Variants in RIT2 observed in about 807,000 individuals in gnomAD.
RIT2 encodes the protein GTP-binding protein Rit2.
In RIT2, 24 loss-of-function variants were observed where a neutral mutation model predicts 23.7. The observed-to-expected ratio is 1.01, with a 90% CI of 0.73 to 1.43. RIT2 has a LOEUF of 1.43. Ranked by LOEUF, RIT2 falls within the 40% of genes most tolerant of loss-of-function variation. RIT2 has a pLI of 0.00. For synonymous variants in RIT2, 107 were observed against 91.1 expected (o/e 1.17, Z -0.99); for missense variants, 236 against 266.9 (o/e 0.88, Z 0.81).
intron 2 of RIT2, among the ~76,000 whole-genome samples, chr18:42,977,084 A>C (rs778606377): frequency 2.6e-5 from 4 of 152,044 alleles, no homozygotes; most frequent in Admixed American, 6.6e-5. Flanking sequence ...AGAAACGTTG[A>C]CTTTGCCATG....
At chr18:43,020,732 A>C (rs1911576535) in intron 2 of RIT2, among the ~76,000 whole-genome samples, 1 of 152,102 alleles carries the variant, frequency 6.6e-6, no homozygotes, top group Non-Finnish European at 1.5e-5. Context: ...ATTGATTTTC[A>C]ACAAAGTTGC....
intron 2 of RIT2, among the ~76,000 whole-genome samples, chr18:43,024,214 A>G (rs1435448598): frequency 1.3e-5 from 2 of 152,076 alleles, no homozygotes; most frequent in East Asian, 3.9e-4. Flanking sequence ...ATAGACACAT[A>G]GATCAATGAC....
chr18:42,844,229 T>C (rs936550137), intron 4 of RIT2, among the ~76,000 whole-genome samples: 2 of 152,164 alleles, frequency 1.3e-5, no homozygotes, highest in East Asian at 3.9e-4. Flanking sequence ...AATGCTCTCT[T>C]AGCTCCACCA....
At chr18:43,083,718 T>C (rs957197896) in intron 1 of RIT2, among the ~76,000 whole-genome samples, 2 of 152,162 alleles carry the variant, frequency 1.3e-5, no homozygotes, top group Admixed American at 6.5e-5. Context: ...CTTTGCACCT[T>C]ATACAAAAAT....
At chr18:42,895,135 T>C (rs1908288969) in intron 4 of RIT2, among the ~76,000 whole-genome samples, 1 of 152,230 alleles carries the variant, frequency 6.6e-6, no homozygotes, top group Non-Finnish European at 1.5e-5. Flanking sequence ...AGATATAAGA[T>C]ATGAATTGGA....
intron 1 of RIT2, among the ~76,000 whole-genome samples, chr18:43,046,832 A>G (rs1290196976): frequency 6.6e-6 from 1 of 152,196 alleles, no homozygotes; most frequent in African/African-American, 2.4e-5. Flanking sequence ...CTTTTAAGCT[A>G]TGCATCCATG....
intron 2 of RIT2, among the ~76,000 whole-genome samples, chr18:42,982,858 T>C (rs1322844688): frequency 6.6e-6 from 1 of 152,112 alleles, no homozygotes; most frequent in Admixed American, 6.6e-5. Context: ...ATAAATATTA[T>C]TTTTATAGAT....
At chr18:42,837,150 TTTC>T (rs1200121842) in intron 4 of RIT2, among the ~76,000 whole-genome samples, 1 of 122,064 alleles carries the variant, frequency 8.2e-6, no homozygotes, top group African/African-American at 3.3e-5. Flanking sequence ...TTTTTTTCTT[TTTC>T]TTTTTTTTTT....
intron 1 of RIT2, among the ~76,000 whole-genome samples, chr18:43,064,961 C>T (rs901428750): frequency 5.9e-5 from 9 of 152,010 alleles, no homozygotes; most frequent in South Asian, 2.1e-4. Flanking sequence ...GGATTACAGG[C>T]GTGCACCACC....
At chr18:42,880,203 C>T (rs1214131519) in intron 4 of RIT2, among the ~76,000 whole-genome samples, 1 of 152,108 alleles carries the variant, frequency 6.6e-6, no homozygotes, top group Non-Finnish European at 1.5e-5. Flanking sequence ...CTTATACAGA[C>T]TTCCCAGCAA....
intron 3 of RIT2, among the ~76,000 whole-genome samples, chr18:42,937,370 C>T (rs1909486294): frequency 6.6e-6 from 1 of 152,094 alleles, no homozygotes; most frequent in South Asian, 2.1e-4. Flanking sequence ...TGAAAACATG[C>T]CTGCTTCTAT....
At chr18:43,053,405 C>T (rs1912429231) in intron 1 of RIT2, among the ~76,000 whole-genome samples, 1 of 151,852 alleles carries the variant, frequency 6.6e-6, no homozygotes. Context: ...ATTGTGATAG[C>T]TTCTATGGAA....
intron 1 of RIT2, among the ~76,000 whole-genome samples, chr18:43,059,590 A>G (rs974039373): frequency 2.0e-5 from 3 of 152,148 alleles, no homozygotes; most frequent in African/African-American, 7.2e-5. Flanking sequence ...CATCTTGCAT[A>G]CCAAAGTTCC....
At chr18:42,845,462 A>T (rs962355946) in intron 4 of RIT2, among the ~76,000 whole-genome samples, 1 of 150,540 alleles carries the variant, frequency 6.6e-6, no homozygotes, top group Admixed American at 6.6e-5. Flanking sequence ...AAAAATATAG[A>T]TTTATATAGA....
At position 42,847,954 on chromosome 18, in the gene RIT2, TAGTA is replaced by T. The variant is rs562922742; in HGVS notation, c.426+75614_426+75617del. Among the ~76,000 whole-genome samples, 856 of 150,838 alleles carry T rather than the reference TAGTA, an allele frequency of 5.7e-3. 8 individuals carry two copies. Among genetic ancestry groups the T allele is most frequent in the African/African-American group, 0.02 (813 of 41,074 alleles). On this transcript the variant is annotated intron_variant, in intron 4 of 4. Transcript: ENST00000326695. ...TGATAAATCTAATTTATAATGAATT[TAGTA>T]AGTATTATGATAGACACTGTGATAG...
intron 2 of RIT2, among the ~76,000 whole-genome samples, chr18:42,985,267 G>T (rs1910684299): frequency 6.6e-6 from 1 of 152,088 alleles, no homozygotes; most frequent in African/African-American, 2.4e-5. Flanking sequence ...TATGAAGAAA[G>T]TTAAAGATCA....
intron 1 of RIT2, among the ~76,000 whole-genome samples, chr18:43,097,360 G>A (rs1204924912): frequency 1.3e-5 from 2 of 151,716 alleles, no homozygotes; most frequent in African/African-American, 2.4e-5. Context: ...ACACAGAGGA[G>A]GTTAAATATA....
chr18:42,759,249 G>A (rs1170609322), intron 4 of RIT2, among the ~76,000 whole-genome samples: 1 of 152,022 alleles, frequency 6.6e-6, no homozygotes, highest in Non-Finnish European at 1.5e-5. Context: ...CTGTAGGCAC[G>A]CACTTACTGC....
At chr18:42,851,317 G>A (rs1365404386) in intron 4 of RIT2, among the ~76,000 whole-genome samples, 1 of 152,142 alleles carries the variant, frequency 6.6e-6, no homozygotes, top group Non-Finnish European at 1.5e-5. Flanking sequence ...TAAGCCAGTT[G>A]TGTATTCAAT....
Sources: gnomAD v4.1 joint callset for allele counts (sites outside exome capture counted in the v4.1 genomes callset) on GRCh38, gnomAD v4.1.1 for gene constraint, MANE v1.5 for transcripts, NCBI Gene and HGNC (gene_info 2026-07-23, HGNC 2026-07-21) for gene names.